The following SLCO1B1 variants were observed in gnomAD, a reference collection of about 807,000 sequenced individuals.
SLCO1B1 encodes the protein solute carrier organic anion transporter family member 1B1, also known as OATP-2.
In SLCO1B1, 81 loss-of-function variants were observed where a neutral mutation model predicts 70.1. The ratio of observed to expected loss-of-function variants is 1.16; its 90% CI spans 0.97 to 1.39. The LOEUF (loss-of-function observed/expected upper bound fraction) is 1.39. Among genes scored for constraint, SLCO1B1 ranks in the 40% most tolerant of loss-of-function variants. The pLI, the probability that SLCO1B1 is intolerant of heterozygous loss-of-function variation, is 0.00. For missense variants in SLCO1B1, 895 were observed against 799.6 expected, an observed-to-expected ratio of 1.12 and a Z score of -1.44; for synonymous variants, 283 against 271.5, an observed-to-expected ratio of 1.04 and a Z score of -0.42.
intron 7 of SLCO1B1, among the ~76,000 whole-genome samples, chr12:21,190,193 C>T (rs1255335440): frequency 6.6e-6 from 1 of 152,186 alleles, no homozygotes; most frequent in African/African-American, 2.4e-5. Flanking sequence ...GGCTTGTCTA[C>T]CCATGTTGTC....
At chr12:21,183,627 A>C (rs1940930640) in intron 7 of SLCO1B1, among the ~76,000 whole-genome samples, 3 of 152,212 alleles carry the variant, frequency 2.0e-5, no homozygotes, top group Non-Finnish European at 2.9e-5. Flanking sequence ...ACCACAGTTA[A>C]AGGAACACCA....
At chr12:21,238,104 A>G (rs1341748320) in intron 14 of SLCO1B1, among the ~76,000 whole-genome samples, 2 of 152,094 alleles carry the variant, frequency 1.3e-5, no homozygotes, top group Admixed American at 1.3e-4. Flanking sequence ...AATTGTCTCA[A>G]AATTTTTATA....
intron 2 of SLCO1B1, among the ~76,000 whole-genome samples, chr12:21,160,691 G>A (rs1169509129): frequency 6.6e-6 from 1 of 152,038 alleles, no homozygotes; most frequent in Non-Finnish European, 1.5e-5. Flanking sequence ...AAGAGCTTCT[G>A]CACAGAAAAA....
intron 1 of SLCO1B1, among the ~76,000 whole-genome samples, chr12:21,135,756 A>G (rs1344992419): frequency 6.6e-6 from 1 of 152,064 alleles, no homozygotes; most frequent in African/African-American, 2.4e-5. Flanking sequence ...TTTCCTGACT[A>G]CAGTGCACTG....
At position 21,150,504 on chromosome 12, in the gene SLCO1B1, C is replaced by A. The variant is rs113398325; in HGVS notation, c.84+8846C>A. Among the ~76,000 whole-genome samples, 14 of 152,176 alleles carry A rather than the reference C, an allele frequency of 9.2e-5. 1 individual carries two copies. Among genetic ancestry groups the A allele is most frequent in the Admixed American group, 3.3e-4 (5 of 15,294 alleles). On this transcript the variant is annotated intron_variant, in intron 2 of 14. Transcript: ENST00000256958. ...GAAGCTTCCAGAGGAAGGAACAGGCCGCAATCTCTGCTGTTCTGCAGCCAC... is the reference window on the plus strand; with the variant it reads ...GAAGCTTCCAGAGGAAGGAACAGGCAGCAATCTCTGCTGTTCTGCAGCCAC...
At chr12:21,161,348 T>G (rs1940617239) in intron 2 of SLCO1B1, among the ~76,000 whole-genome samples, 1 of 152,220 alleles carries the variant, frequency 6.6e-6, no homozygotes, top group Admixed American at 6.5e-5. Flanking sequence ...AACAAGATCA[T>G]GTCTTTTGTG....
chr12:21,172,623 T>C (rs759362304), intron 2 of SLCO1B1, 27 bp from the exon 3 acceptor site: 93 of 1,612,922 alleles, frequency 5.8e-5, no homozygotes, highest in Non-Finnish European at 7.0e-5. Context: ...TTAACCATTT[T>C]CCCCCTTTCC....
chr12:21,134,289 A>T (rs1940184207), intron 1 of SLCO1B1, among the ~76,000 whole-genome samples: 1 of 152,106 alleles, frequency 6.6e-6, no homozygotes, highest in Non-Finnish European at 1.5e-5. Flanking sequence ...TTGGTCTAAA[A>T]TTCTCTTTTT....
Position 21,132,456 on chromosome 12 carries a change from T to C in SLCO1B1, c.-62+1220T>C, listed in dbSNP as rs555694755. On this transcript the variant is annotated intron_variant, in intron 1 of 14. Coordinates refer to ENST00000256958, the MANE Select transcript of SLCO1B1 (RefSeq NM_006446.5). ...AACTAGTTTACAGTCCCACCAACAGTGTAAAAGTGTTCCTATTTCTCCACA... is the reference window on the plus strand; with the variant it reads ...AACTAGTTTACAGTCCCACCAACAGCGTAAAAGTGTTCCTATTTCTCCACA... Among the ~76,000 whole-genome samples, 3 of 152,288 alleles carry C rather than the reference T, an allele frequency of 2.0e-5. 1 individual carries two copies. The South Asian group carries it at 6.2e-4, about 32-fold the overall frequency.
Position 21,178,953 on chromosome 12 carries a change from A to G in SLCO1B1, c.660A>G (p.Pro220=), listed in dbSNP as rs764291734. ...GILNAIAMIG[P]IIGFTLGSLF... is the part of the protein sequence containing the mutation. ...TGAATGCAATAGCAATGATTGGTCC[A>G]ATCATTGGCTTTACCCTGGGATCTC... Residue 220 remains proline (P), a synonymous_variant, in exon 7 of 15, where the codon CCA becomes CCG. Coordinates refer to ENST00000256958, the MANE Select transcript of SLCO1B1 (RefSeq NM_006446.5). 35 of 1,612,138 alleles carry G rather than the reference A, an allele frequency of 2.2e-5. No homozygotes were observed. The highest frequency in any genetic ancestry group is 2.9e-5 in the Non-Finnish European group (34 of 1,178,714).
chr12:21,152,335 G>T (rs1940481925), intron 2 of SLCO1B1, among the ~76,000 whole-genome samples: 1 of 151,628 alleles, frequency 6.6e-6, no homozygotes, highest in Non-Finnish European at 1.5e-5. Flanking sequence ...TAAATTCTCA[G>T]TCCAATAAAT....
At chr12:21,140,292 T>A (rs1245410250) in intron 1 of SLCO1B1, among the ~76,000 whole-genome samples, 1 of 152,086 alleles carries the variant, frequency 6.6e-6, no homozygotes, top group African/African-American at 2.4e-5. Context: ...CTATGCTGTG[T>A]CTGCTTATAT....
intron 3 of SLCO1B1, among the ~76,000 whole-genome samples, chr12:21,173,116 C>T (rs1940775928): frequency 6.6e-6 from 1 of 152,198 alleles, no homozygotes; most frequent in Non-Finnish European, 1.5e-5. Flanking sequence ...TCATACTTTA[C>T]CTCCCCTCTC....
intron 2 of SLCO1B1, among the ~76,000 whole-genome samples, chr12:21,165,801 A>T (rs969297630): frequency 1.3e-5 from 2 of 152,122 alleles, no homozygotes; most frequent in African/African-American, 2.4e-5. Flanking sequence ...GAAATTGACC[A>T]TGCTGGCACC....
At chr12:21,213,470 C>T (rs376236580) in intron 11 of SLCO1B1, among the ~76,000 whole-genome samples, 16 of 148,152 alleles carry the variant, frequency 1.1e-4, no homozygotes, top group Middle Eastern at 3.5e-3. Context: ...GAGGGTAACC[C>T]GACCTTTCTC....
At chr12:21,163,105 T>A (rs1940642164) in intron 2 of SLCO1B1, among the ~76,000 whole-genome samples, 1 of 152,098 alleles carries the variant, frequency 6.6e-6, no homozygotes, top group Non-Finnish European at 1.5e-5. Context: ...ACAAAGAGAG[T>A]ATATACACAA....
At chr12:21,161,845 T>A (rs565362995) in intron 2 of SLCO1B1, among the ~76,000 whole-genome samples, 2 of 151,942 alleles carry the variant, frequency 1.3e-5, no homozygotes, top group Non-Finnish European at 2.9e-5. Context: ...CTGTCTCTAC[T>A]GAAAATATAA....
intron 2 of SLCO1B1, among the ~76,000 whole-genome samples, chr12:21,171,163 G>A (rs1054701776): frequency 5.9e-5 from 9 of 152,328 alleles, no homozygotes; most frequent in Middle Eastern, 3.4e-3. Flanking sequence ...GTTCCACTGA[G>A]CAAAACTCTT....
chr12:21,210,087 T>G (rs376743581), intron 11 of SLCO1B1, among the ~76,000 whole-genome samples: 14,564 of 129,306 alleles, frequency 0.11, 509 homozygotes, highest in East Asian at 0.25. Flanking sequence ...GTCAATTTTG[T>G]CTTTTGTTGC....
Sources: allele counts gnomAD v4.1 joint callset (sites outside exome capture counted in the v4.1 genomes callset), GRCh38; gene constraint gnomAD v4.1.1; transcripts MANE v1.5; gene names NCBI Gene and HGNC (gene_info 2026-07-23, HGNC 2026-07-21).